The following EEFSEC variants were observed in gnomAD, a reference collection of about 807,000 sequenced individuals.
EEFSEC encodes the protein selenocysteine-specific elongation factor.
A neutral mutation model predicts 42.1 loss-of-function variants in EEFSEC; 43 were observed. The ratio of observed to expected loss-of-function variants is 1.02; its 90% confidence interval spans 0.80 to 1.32. The LOEUF is 1.32. EEFSEC is among the 40% of genes most tolerant of loss of function. The pLI is 0.00. For missense variants in EEFSEC, 745 were observed against 803.6 expected, an observed-to-expected ratio of 0.93 and a Z score of 0.88; for synonymous variants, 354 against 339.1, an observed-to-expected ratio of 1.04 and a Z score of -0.48.
At chr3:128,381,928 G>C (rs910552524) in intron 6 of EEFSEC, among the ~76,000 whole-genome samples, 1 of 152,320 alleles carries the variant, frequency 6.6e-6, no homozygotes, top group East Asian at 1.9e-4. Context: ...GCAGCAGGGA[G>C]CAGGGGGAAG....
At chr3:128,159,328 T>A (rs1224646937) in intron 1 of EEFSEC, among the ~76,000 whole-genome samples, 1 of 152,240 alleles carries the variant, frequency 6.6e-6, no homozygotes, top group Non-Finnish European at 1.5e-5. Context: ...TTTCACCTCA[T>A]GGTCCACAAA....
At chr3:128,232,469 C>T (rs10433408) in intron 1 of EEFSEC, among the ~76,000 whole-genome samples, 10,864 of 152,104 alleles carry the variant, frequency 0.071, 1,012 homozygotes, top group East Asian at 0.36. Context: ...ACATTAAAAT[C>T]GAGCTTGCCC....
rs141203761 is a variant in EEFSEC at position 128,358,417 on chromosome 3, G to A, written c.1600+44G>A. Reference sequence around the variant, plus strand: ...TCCCGGTTTAGGGACACCGTGCAGGGCACAGAGAGATGGCAGAGGTGATGC... The same window carrying A: ...TCCCGGTTTAGGGACACCGTGCAGGACACAGAGAGATGGCAGAGGTGATGC... On this transcript the variant is annotated intron_variant, in intron 6 of 6. Transcript: ENST00000254730. 1.8e-4 allele frequency: 282 copies of A among 1,602,442 alleles called. No individual in the cohort carries two copies. In the African/African-American group the frequency reaches 3.6e-3, roughly 20 times the overall value.
At chr3:128,316,727 T>TA (rs1435392480) in intron 4 of EEFSEC, among the ~76,000 whole-genome samples, 2 of 152,174 alleles carry the variant, frequency 1.3e-5, no homozygotes, top group East Asian at 3.9e-4. Context: ...AGCGTGGGGT[T>TA]ACCGCCCAGC....
intron 1 of EEFSEC, among the ~76,000 whole-genome samples, chr3:128,228,431 G>T (rs1322756434): frequency 6.6e-6 from 1 of 152,200 alleles, no homozygotes; most frequent in African/African-American, 2.4e-5. Context: ...CCACGGTCCT[G>T]GGGTGATAGA....
the EEFSEC span, among the ~76,000 whole-genome samples, chr3:128,416,693 C>T: frequency 6.6e-6 from 1 of 152,098 alleles, no homozygotes; most frequent in East Asian, 1.9e-4. Flanking sequence ...CATTGGGGCT[C>T]TCTCTTCTTG....
chr3:128,329,355 G>T (rs951466912), intron 4 of EEFSEC, among the ~76,000 whole-genome samples: 9 of 152,194 alleles, frequency 5.9e-5, no homozygotes, highest in Non-Finnish European at 1.0e-4. Context: ...GAGTGTGACG[G>T]ACGTTCCTGA....
Position 128,408,387 on chromosome 3 carries a change from C to T in EEFSEC, c.*128C>T, listed in dbSNP as rs375339657. The T allele has an allele frequency of 9.4e-7, 1 of 1,068,436 alleles. No individual in the cohort carries two copies. The highest frequency in any genetic ancestry group is 1.3e-6 in the Non-Finnish European group (1 of 756,298). The allele number at this position is 1,068,436 out of a possible 1,614,324, so 66.2% of individuals were successfully genotyped here. A position where few individuals can be genotyped will look rare whatever the true frequency, so the allele number is the denominator to read the frequency against. On this transcript the variant is annotated 3_prime_UTR_variant, in exon 7 of 7. Transcript: ENST00000254730. ...AGTCCTGCAGCAGCAGCCCCCACCC[C>T]CAAGCTTGGTGCTGAGCCCTGGTGA...
chr3:128,164,282 C>T (rs545792426), intron 1 of EEFSEC, among the ~76,000 whole-genome samples: 2 of 152,274 alleles, frequency 1.3e-5, no homozygotes, highest in East Asian at 1.9e-4. Flanking sequence ...CTCACAGTCC[C>T]GAGTAGGGAG....
At chr3:128,386,892 G>A (rs969677873) in intron 6 of EEFSEC, among the ~76,000 whole-genome samples, 6 of 152,142 alleles carry the variant, frequency 3.9e-5, no homozygotes, top group Non-Finnish European at 7.4e-5. Context: ...CACCTCCCCC[G>A]AGGCCCACCT....
chr3:128,390,674 T>A (rs1267991049), intron 6 of EEFSEC, among the ~76,000 whole-genome samples: 1 of 152,190 alleles, frequency 6.6e-6, no homozygotes, highest in African/African-American at 2.4e-5. Context: ...TGCTGTGGTC[T>A]GTGCCCAGGG....
chr3:128,343,483 G>C (rs1443346014), intron 5 of EEFSEC, among the ~76,000 whole-genome samples: 3 of 152,160 alleles, frequency 2.0e-5, no homozygotes, highest in Non-Finnish European at 2.9e-5. Flanking sequence ...CCTGCTCAGG[G>C]CTCCATCAGC....
chr3:128,258,909 G>A (rs111331507), intron 2 of EEFSEC, among the ~76,000 whole-genome samples: 31 of 152,222 alleles, frequency 2.0e-4, no homozygotes, highest in African/African-American at 6.5e-4. Context: ...TCCAACCTAG[G>A]CTGATGGAGG....
intron 4 of EEFSEC, among the ~76,000 whole-genome samples, chr3:128,318,024 CCT>C (rs1156368647): frequency 1.3e-5 from 2 of 152,220 alleles, no homozygotes; most frequent in African/African-American, 2.4e-5. Flanking sequence ...TGCCTGGTCC[CCT>C]GTTTCTCTAG....
intron 6 of EEFSEC, among the ~76,000 whole-genome samples, chr3:128,396,409 T>C (rs1344750884): frequency 6.6e-6 from 1 of 152,074 alleles, no homozygotes; most frequent in African/African-American, 2.4e-5. Flanking sequence ...TACCTCTCAA[T>C]GATGGAGTGG....
the EEFSEC span, among the ~76,000 whole-genome samples, chr3:128,414,063 C>T: frequency 6.6e-6 from 1 of 152,272 alleles, no homozygotes; most frequent in Non-Finnish European, 1.5e-5. Flanking sequence ...GCCATCACTT[C>T]CTCTGCCTCT....
At chr3:128,314,620 A>C (rs1426127219) in intron 4 of EEFSEC, among the ~76,000 whole-genome samples, 1 of 152,238 alleles carries the variant, frequency 6.6e-6, no homozygotes, top group African/African-American at 2.4e-5. Context: ...TTGGTATTAC[A>C]GGCATCAGCC....
chr3:128,218,684 G>A (rs933998122), intron 1 of EEFSEC, among the ~76,000 whole-genome samples: 1 of 152,172 alleles, frequency 6.6e-6, no homozygotes, highest in African/African-American at 2.4e-5. Flanking sequence ...CAGGAGCAGG[G>A]ACTCAGCCCT....
At chr3:128,353,928 G>A (rs2067419840) in intron 5 of EEFSEC, among the ~76,000 whole-genome samples, 1 of 152,200 alleles carries the variant, frequency 6.6e-6, no homozygotes, top group Admixed American at 6.5e-5. Context: ...CTGGGAAAGG[G>A]GTGAGAGAGC....
Sources: gnomAD v4.1 joint callset for allele counts (sites outside exome capture counted in the v4.1 genomes callset) on GRCh38, gnomAD v4.1.1 for gene constraint, MANE v1.5 for transcripts, NCBI Gene and HGNC (gene_info 2026-07-23, HGNC 2026-07-21) for gene names.